NDE1: variants seen among roughly 807,000 people sequenced by gnomAD.
NDE1 encodes the protein nuclear distribution protein nudE homolog 1.
NDE1 carries 28 observed loss-of-function variants against 43.4 expected under a neutral mutation model. The observed-to-expected ratio is 0.65, with a 90% CI of 0.48 to 0.89. The LOEUF is 0.89. Ranked by LOEUF, NDE1 falls within the 40% of genes least tolerant of loss-of-function variation. The pLI, the probability that NDE1 is intolerant of heterozygous loss-of-function variation, is 0.00. For synonymous variants in NDE1, 184 were observed against 172.0 expected, an observed-to-expected ratio of 1.07 and a Z score of -0.55; for missense variants, 441 against 434.1, an observed-to-expected ratio of 1.02 and a Z score of -0.14.
At chr16:15,647,712 G>A (rs897564233), upstream of NDE1, among the ~76,000 whole-genome samples, 2 of 152,128 alleles carry the variant, frequency 1.3e-5, no homozygotes, top group Non-Finnish European at 2.9e-5. Flanking sequence ...TCACTGTGCT[G>A]TAAGGGTGCA....
At chr16:15,714,689 G>A in intron 8 of NDE1, 1 of 628,472 alleles carries the variant, frequency 1.6e-6, no homozygotes, top group Admixed American at 2.8e-5. Flanking sequence ...ATCGTTAAAG[G>A]ATCTAGAAGG....
intron 8 of NDE1, chr16:15,699,595 A>G (rs2039157037): frequency 2.5e-6 from 3 of 1,210,750 alleles, no homozygotes; most frequent in African/African-American, 3.2e-5. Context: ...TTCATTTCAC[A>G]GGAGAGAAAA....
At chr16:15,718,277 A>C (rs755569075) in intron 8 of NDE1, 4 of 1,605,624 alleles carry the variant, frequency 2.5e-6, no homozygotes, top group Non-Finnish European at 3.4e-6. Context: ...CAGGAGAGAC[A>C]GTAGGCAGCG....
At chr16:15,689,612 A>G (rs932100655) in intron 5 of NDE1, among the ~76,000 whole-genome samples, 2 of 152,224 alleles carry the variant, frequency 1.3e-5, no homozygotes, top group African/African-American at 4.8e-5. Flanking sequence ...TATGCTCAGT[A>G]GATACATACA....
chr16:15,707,042 CTG>C (rs1237043132), intron 8 of NDE1, among the ~76,000 whole-genome samples: 1 of 152,002 alleles, frequency 6.6e-6, no homozygotes, highest in African/African-American at 2.4e-5. Flanking sequence ...CCTGGAGAAT[CTG>C]GAATTTTTTT....
intron 8 of NDE1, among the ~76,000 whole-genome samples, chr16:15,720,585 C>G (rs1286656032): frequency 2.7e-5 from 4 of 147,256 alleles, no homozygotes; most frequent in Admixed American, 6.7e-5. Context: ...CTTGTCTCCA[C>G]TGAAAAAAAA....
At chr16:15,661,882 A>C (rs189273500) in intron 1 of NDE1, among the ~76,000 whole-genome samples, 5 of 152,000 alleles carry the variant, frequency 3.3e-5, no homozygotes, top group Admixed American at 3.3e-4. Context: ...AGTTCTGGTA[A>C]GTTTGCCTTC....
chr16:15,644,776 A>G (rs1596530024), intron 1 of NDE1, among the ~76,000 whole-genome samples: 1 of 152,130 alleles, frequency 6.6e-6, no homozygotes, highest in East Asian at 1.9e-4. Context: ...TCCCCATTTT[A>G]TTTCAGTTGA....
At chr16:15,667,758 A>C (rs1281660171) in intron 3 of NDE1, among the ~76,000 whole-genome samples, 1 of 149,414 alleles carries the variant, frequency 6.7e-6, no homozygotes, top group Admixed American at 6.8e-5. Flanking sequence ...CAGCCTCCTG[A>C]GTAGCTGGGA....
chr16:15,662,680 G>A (rs2037109978), intron 1 of NDE1, among the ~76,000 whole-genome samples: 1 of 151,634 alleles, frequency 6.6e-6, no homozygotes, highest in African/African-American at 2.4e-5. Context: ...GTGCTCAGGT[G>A]ATCCTCCCAT....
At chr16:15,659,350 C>T (rs536619109) in intron 1 of NDE1, among the ~76,000 whole-genome samples, 4 of 149,720 alleles carry the variant, frequency 2.7e-5, no homozygotes. Flanking sequence ...ATGGTTTTTG[C>T]TCATTCTTTT....
At chr16:15,687,031 G>A (rs974017590) in intron 4 of NDE1, 1 of 1,179,924 alleles carries the variant, frequency 8.5e-7, no homozygotes, top group Non-Finnish European at 1.1e-6. Flanking sequence ...TTGGCATTGT[G>A]AGCTTGCAAG....
At chr16:15,667,158 A>G in intron 2 of NDE1, 128 bp from the exon 3 acceptor site, 1 of 1,057,958 alleles carries the variant, frequency 9.5e-7, no homozygotes, top group Non-Finnish European at 1.5e-6. Context: ...AGGCAGGAGA[A>G]TCGCTTGAAC....
intron 1 of NDE1, among the ~76,000 whole-genome samples, chr16:15,653,370 G>T (rs1321702100): frequency 6.6e-6 from 1 of 152,180 alleles, no homozygotes; most frequent in Non-Finnish European, 1.5e-5. Context: ...GCTGACTCTT[G>T]ACTGATGTTG....
At chr16:15,689,219 G>A (rs2038603170) in intron 5 of NDE1, among the ~76,000 whole-genome samples, 1 of 152,212 alleles carries the variant, frequency 6.6e-6, no homozygotes, top group African/African-American at 2.4e-5. Flanking sequence ...GCTAGGCACA[G>A]TGGCTGATGC....
At chr16:15,682,555 T>C (rs764726119) in intron 4 of NDE1, among the ~76,000 whole-genome samples, 4 of 152,228 alleles carry the variant, frequency 2.6e-5, no homozygotes, top group Non-Finnish European at 5.9e-5. Context: ...AGGCACTTTG[T>C]ATAAGAATAA....
chr16:15,664,263 A>G (rs1436381390), intron 1 of NDE1, among the ~76,000 whole-genome samples: 1 of 152,056 alleles, frequency 6.6e-6, no homozygotes, highest in African/African-American at 2.4e-5. Flanking sequence ...ATGTTAACCC[A>G]GGGAATATAA....
chr16:15,683,666 A>G (rs961740232), intron 4 of NDE1, among the ~76,000 whole-genome samples: 34 of 152,224 alleles, frequency 2.2e-4, no homozygotes, highest in Non-Finnish European at 1.2e-4. Flanking sequence ...GAATTTCAAC[A>G]TATAAAATAC....
chr16:15,710,476 G>C (rs555904648), intron 8 of NDE1, among the ~76,000 whole-genome samples: 15 of 152,038 alleles, frequency 9.9e-5, no homozygotes, highest in Admixed American at 5.9e-4. Context: ...AGCCGAGATC[G>C]CGCCACTGCA....
Sources: allele counts gnomAD v4.1 joint callset (sites outside exome capture counted in the v4.1 genomes callset), GRCh38; gene constraint gnomAD v4.1.1; transcripts MANE v1.5; gene names NCBI Gene and HGNC (gene_info 2026-07-23, HGNC 2026-07-21).